The following SYNDIG1 variants were observed in gnomAD, a reference collection of about 807,000 sequenced individuals.
SYNDIG1 encodes the protein synapse differentiation-inducing gene protein 1.
Under a neutral mutation model 19.4 loss-of-function variants are expected in SYNDIG1, and 9 were observed. The observed-to-expected ratio is 0.46, with a 90% CI of 0.28 to 0.81. The LOEUF is 0.81. SYNDIG1 is among the 30% of genes least tolerant of loss of function. The pLI is 0.12. For missense variants in SYNDIG1, 311 were observed against 343.3 expected (o/e 0.91, Z 0.74); for synonymous variants, 141 against 145.9 (o/e 0.97, Z 0.24).
At chr20:24,629,600 A>G (rs538890247) in intron 3 of SYNDIG1, among the ~76,000 whole-genome samples, 115 of 152,026 alleles carry the variant, frequency 7.6e-4, no homozygotes, top group African/African-American at 2.6e-3. Flanking sequence ...TGTCAAGACC[A>G]TACAAATAAG....
At position 24,480,042 on chromosome 20, in the gene SYNDIG1, C is replaced by T. The variant is rs142500225; in HGVS notation, c.-79+10289C>T. On this transcript the variant is annotated intron_variant, in intron 1 of 3. Transcript: ENST00000376862. ...GCACACACATTACATAGTCCCACAC[C>T]TCCCCCACCTGCAGTTGGCTACCTC... Among the ~76,000 whole-genome samples the T allele has an allele frequency of 5.3e-3, 800 of 152,320 alleles. 10 individuals carry two copies. Among genetic ancestry groups the T allele is most frequent in the African/African-American group, 0.017 (723 of 41,570 alleles).
intron 3 of SYNDIG1, among the ~76,000 whole-genome samples, chr20:24,625,014 T>C (rs2059101409): frequency 6.6e-6 from 1 of 152,212 alleles, no homozygotes. Flanking sequence ...CATGAAAATA[T>C]AATTTAAAAT....
intron 1 of SYNDIG1, among the ~76,000 whole-genome samples, chr20:24,512,994 C>T (rs2056782275): frequency 6.6e-6 from 1 of 152,224 alleles, no homozygotes; most frequent in Non-Finnish European, 1.5e-5. Context: ...GCAGCCTCCG[C>T]TGGTGATAAC....
chr20:24,622,395 A>G (rs2059053109), intron 3 of SYNDIG1, among the ~76,000 whole-genome samples: 1 of 152,242 alleles, frequency 6.6e-6, no homozygotes, highest in African/African-American at 2.4e-5. Context: ...AAAATAGTGT[A>G]ACACAGGGGT....
intron 3 of SYNDIG1, among the ~76,000 whole-genome samples, chr20:24,590,075 A>G (rs757797934): frequency 5.9e-5 from 9 of 152,172 alleles, no homozygotes; most frequent in African/African-American, 9.7e-5. Flanking sequence ...CTCACTGGCT[A>G]TTAGCTGCGG....
chr20:24,549,264 A>G (rs556204080), intron 2 of SYNDIG1, among the ~76,000 whole-genome samples: 9 of 152,012 alleles, frequency 5.9e-5, no homozygotes, highest in Admixed American at 2.0e-4. Context: ...TTCTACTTTT[A>G]CTTCTATAAA....
intron 3 of SYNDIG1, among the ~76,000 whole-genome samples, chr20:24,624,450 A>G (rs1190157381): frequency 6.6e-6 from 1 of 152,236 alleles, no homozygotes; most frequent in Non-Finnish European, 1.5e-5. Flanking sequence ...TATCATAGAT[A>G]AGGAGGCACA....
At chr20:24,562,164 C>G (rs535777817) in intron 2 of SYNDIG1, among the ~76,000 whole-genome samples, 53 of 151,852 alleles carry the variant, frequency 3.5e-4, no homozygotes, top group South Asian at 3.3e-3. Context: ...GTGTGGATCA[C>G]TCACACAAAG....
chr20:24,601,363 AT>A (rs1488949780), intron 3 of SYNDIG1, among the ~76,000 whole-genome samples: 1 of 152,190 alleles, frequency 6.6e-6, no homozygotes, highest in Non-Finnish European at 1.5e-5. Flanking sequence ...TTCTCTGAAC[AT>A]TTATTTAAAA....
intron 3 of SYNDIG1, among the ~76,000 whole-genome samples, chr20:24,623,751 A>T (rs2059074574): frequency 6.6e-6 from 1 of 152,210 alleles, no homozygotes; most frequent in South Asian, 2.1e-4. Flanking sequence ...GCACTAAACT[A>T]TATATTAAAA....
rs1349089269 is a variant in SYNDIG1 at position 24,555,346 on chromosome 20, G to A, written c.480+11769G>A. Among the ~76,000 whole-genome samples the A allele has an allele frequency of 7.2e-5, 11 of 152,186 alleles. No individual in the cohort carries two copies. In the South Asian group the frequency reaches 1.2e-3, roughly 17 times the overall value. On this transcript the variant is annotated intron_variant, in intron 2 of 3. Coordinates refer to ENST00000376862, the MANE Select transcript of SYNDIG1 (RefSeq NM_024893.3). ...TTTAGTTATTTCTTGCCTTCTGCTAGCTTTTGAATGTGTTTGCTCTTGCTT... is the reference window on the plus strand; with the variant it reads ...TTTAGTTATTTCTTGCCTTCTGCTAACTTTTGAATGTGTTTGCTCTTGCTT...
intron 3 of SYNDIG1, among the ~76,000 whole-genome samples, chr20:24,598,634 C>T (rs2058632712): frequency 6.6e-6 from 1 of 152,232 alleles, no homozygotes; most frequent in African/African-American, 2.4e-5. Context: ...AGGATCGGCT[C>T]CTACAGATTC....
chr20:24,552,510 A>G (rs1266236916), intron 2 of SYNDIG1, among the ~76,000 whole-genome samples: 2 of 150,674 alleles, frequency 1.3e-5, no homozygotes, highest in Admixed American at 6.6e-5. Flanking sequence ...TCCTGTGTCC[A>G]TGTGTTCTCA....
chr20:24,595,930 T>C (rs1331618532), intron 3 of SYNDIG1, among the ~76,000 whole-genome samples: 1 of 152,222 alleles, frequency 6.6e-6, no homozygotes, highest in Non-Finnish European at 1.5e-5. Context: ...TTATCTCTTG[T>C]ATGGTTTTTC....
At chr20:24,546,461 C>G (rs2057578789) in intron 2 of SYNDIG1, among the ~76,000 whole-genome samples, 1 of 152,230 alleles carries the variant, frequency 6.6e-6, no homozygotes, top group Non-Finnish European at 1.5e-5. Flanking sequence ...ACTCACTTGT[C>G]CATAGCTAGC....
At chr20:24,542,912 T>C in intron 1 of SYNDIG1, 108 bp from the exon 2 acceptor site, 2 of 801,580 alleles carry the variant, frequency 2.5e-6, no homozygotes, top group South Asian at 3.7e-5. Flanking sequence ...TCACAGTTAC[T>C]ATGCGTTTAT....
chr20:24,477,846 G>A (rs1568568626), intron 1 of SYNDIG1, among the ~76,000 whole-genome samples: 1 of 152,186 alleles, frequency 6.6e-6, no homozygotes. Context: ...GCCCAGCATT[G>A]GCCAAAGAAT....
intron 2 of SYNDIG1, among the ~76,000 whole-genome samples, chr20:24,557,442 A>C (rs139754265): frequency 0.034 from 5,111 of 151,732 alleles, 198 homozygotes; most frequent in African/African-American, 0.097. Context: ...GGTTTTATCT[A>C]CTTTTGGTCT....
intron 1 of SYNDIG1, among the ~76,000 whole-genome samples, chr20:24,495,022 C>G (rs755062090): frequency 2.6e-5 from 4 of 152,336 alleles, no homozygotes; most frequent in Non-Finnish European, 5.9e-5. Flanking sequence ...AACTCAGTTA[C>G]AAGAACAGTC....
Sources: gnomAD v4.1 joint callset for allele counts (sites outside exome capture counted in the v4.1 genomes callset) on GRCh38, gnomAD v4.1.1 for gene constraint, MANE v1.5 for transcripts, NCBI Gene and HGNC (gene_info 2026-07-23, HGNC 2026-07-21) for gene names.